The following SYNE1 variants were observed in gnomAD, a reference collection of about 807,000 sequenced individuals.
The protein encoded by SYNE1 is spectrin repeat containing nuclear envelope protein 1, also known as nesprin-1.
SYNE1 carries 616 observed loss-of-function variants against 1,111.0 expected under a neutral mutation model. The ratio of observed to expected loss-of-function variants is 0.55; its 90% confidence interval spans 0.52 to 0.59. SYNE1 has a LOEUF of 0.59. Among genes scored for constraint, SYNE1 ranks in the 20% least tolerant of loss-of-function variants. The pLI, the probability that SYNE1 is intolerant of heterozygous loss-of-function variation, is 0.00. For missense variants in SYNE1, 10,006 were observed against 10,417.0 expected, an observed-to-expected ratio of 0.96 and a Z score of 1.72; for synonymous variants, 3,855 against 3,825.8, an observed-to-expected ratio of 1.01 and a Z score of -0.28.
chr6:152,603,990 A>T (rs1454783197), intron 3 of SYNE1, among the ~76,000 whole-genome samples: 1 of 146,760 alleles, frequency 6.8e-6, no homozygotes, highest in Non-Finnish European at 1.5e-5. Context: ...ATCTGTATCT[A>T]TATCTGTATA....
chr6:152,299,213 A>G (rs2095044878), intron 93 of SYNE1, among the ~76,000 whole-genome samples: 1 of 152,228 alleles, frequency 6.6e-6, no homozygotes, highest in Non-Finnish European at 1.5e-5. Flanking sequence ...TTTATTATTC[A>G]GTTTGAAAAA....
rs771175393 is a variant in SYNE1, at chr6:152,330,595, A to G, written c.14090T>C (p.Met4697Thr). Reference protein sequence around the residue: ...LSELEAQFLRMSKVPTDLAVE... With the variant: ...LSELEAQFLRTSKVPTDLAVE... ...GGCCAGGTCGGTGGGAACTTTGCTC[A>G]TCCTCAAGAATTGGGCTTCAAGTTC... The change falls in exon 78 of 146, where the codon ATG becomes ACG. Residue 4697 changes from methionine (M) to threonine (T), a missense_variant. Around this residue, in one of 7 missense-constraint regions of SYNE1, gnomAD observed 4,955 missense variants for 5,017.2 expected, o/e 0.99. Coordinates refer to ENST00000367255, the MANE Select transcript of SYNE1 (RefSeq NM_182961.4). 1.9e-6 allele frequency: 3 copies of G among 1,613,662 alleles called. No individual in the cohort carries two copies. The highest frequency in any genetic ancestry group is 2.5e-6 in the Non-Finnish European group (3 of 1,180,014).
Position 152,133,628 on chromosome 6 carries a change from G to A in SYNE1, c.25789-140C>T, listed in dbSNP as rs182518980. The A allele has an allele frequency of 3.1e-5, 26 of 835,102 alleles. No individual in the cohort carries two copies. In the African/African-American group the frequency reaches 3.4e-4, roughly 11 times the overall value. The allele number at this position is 835,102 out of a possible 1,614,324, so 51.7% of individuals were successfully genotyped here. A position where few individuals can be genotyped will look rare whatever the true frequency, so the allele number is the denominator to read the frequency against. ...ACGTGGAGCTCACACACTAAAGGAT[G>A]CAGCAGCTCACGGCCTGAGTTCTAA... is the stretch of plus-strand genomic sequence containing the variant. On this transcript the variant is annotated intron_variant, in intron 142 of 145. Coordinates refer to ENST00000367255, the MANE Select transcript of SYNE1 (RefSeq NM_182961.4).
At chr6:152,184,631 T>TAG (rs1554508083) in intron 128 of SYNE1, among the ~76,000 whole-genome samples, 175 of 143,026 alleles carry the variant, frequency 1.2e-3, no homozygotes, top group Middle Eastern at 3.7e-3. Flanking sequence ...TATACACATA[T>TAG]ATAGATAGAT....
intron 93 of SYNE1, among the ~76,000 whole-genome samples, chr6:152,299,202 A>T (rs1407709125): frequency 6.6e-6 from 1 of 152,204 alleles, no homozygotes; most frequent in Non-Finnish European, 1.5e-5. Context: ...TCAAATAAGT[A>T]TTTATTATTC....
intron 91 of SYNE1, among the ~76,000 whole-genome samples, chr6:152,304,201 A>G (rs1394224959): frequency 1.3e-5 from 2 of 152,230 alleles, no homozygotes; most frequent in Non-Finnish European, 2.9e-5. Flanking sequence ...TACTCAATAA[A>G]TGACATTTAC....
At chr6:152,451,663 G>A (rs1189760283) in intron 25 of SYNE1, among the ~76,000 whole-genome samples, 1 of 151,570 alleles carries the variant, frequency 6.6e-6, no homozygotes, top group East Asian at 1.9e-4. Flanking sequence ...TGTACATTTA[G>A]TTGAGACAGG....
intron 14 of SYNE1, among the ~76,000 whole-genome samples, chr6:152,481,932 A>C (rs1273755616): frequency 3.3e-5 from 5 of 151,958 alleles, no homozygotes; most frequent in African/African-American, 9.7e-5. Context: ...GCATCTGAGA[A>C]GCCAAATGAC....
In SYNE1 at chr6:152,404,114, T is replaced by TACACAC. The variant is rs201892710; in HGVS notation, c.6825+98_6825+99insGTGTGT. The TACACAC allele has an allele frequency of 5.6e-6, 4 of 716,952 alleles. No individual in the cohort carries two copies. The African/African-American group carries it at 7.3e-5, about 13-fold the overall frequency. The allele number at this position is 716,952 out of a possible 1,614,324, so 44.4% of individuals were successfully genotyped here. On this transcript the variant is annotated intron_variant, in intron 46 of 145. Coordinates refer to ENST00000367255, the MANE Select transcript of SYNE1 (RefSeq NM_182961.4). ...GATATAGATATATGAGATATATATA[T>TACACAC]ATACACACACACACACACACACAGA...
intron 91 of SYNE1, among the ~76,000 whole-genome samples, chr6:152,304,891 A>C (rs1050391744): frequency 6.6e-6 from 1 of 152,228 alleles, no homozygotes; most frequent in Non-Finnish European, 1.5e-5. Context: ...TAATTAGCCC[A>C]TGTGACTCCA....
In SYNE1 at chr6:152,242,223, T is replaced by C; in HGVS notation, c.19893+17A>G. On this transcript the variant is annotated intron_variant, in intron 107 of 145. Transcript: ENST00000367255. The stretch of plus-strand genomic sequence containing the variant: ...TCCAATTACATTTTCTCTCTATCAC[T>C]CTTTTTTGTTATGTACCTTATGTTT... 6.2e-7 allele frequency: 1 copy of C among 1,606,830 alleles called. No homozygotes were observed. The highest frequency in any genetic ancestry group is 8.5e-7 in the Non-Finnish European group (1 of 1,173,462).
intron 39 of SYNE1, 124 bp from the exon 40 acceptor site, chr6:152,419,846 C>T: frequency 1.1e-6 from 1 of 943,094 alleles, no homozygotes; most frequent in Non-Finnish European, 1.6e-6. Context: ...ACACTCTATA[C>T]CTCTTGATAT....
chr6:152,183,525 C>G (rs778894592), intron 128 of SYNE1, among the ~76,000 whole-genome samples: 7 of 151,942 alleles, frequency 4.6e-5, no homozygotes, highest in Non-Finnish European at 7.4e-5. Flanking sequence ...CGCTTGAGCC[C>G]GGGAGGCGGA....
At chr6:152,287,521 T>G (rs1169437730) in intron 95 of SYNE1, among the ~76,000 whole-genome samples, 3 of 152,186 alleles carry the variant, frequency 2.0e-5, no homozygotes, top group African/African-American at 2.4e-5. Context: ...ATATATATTT[T>G]CCCACACATT....
intron 70 of SYNE1, among the ~76,000 whole-genome samples, chr6:152,351,041 T>C (rs931764225): frequency 6.6e-6 from 1 of 152,248 alleles, no homozygotes. Context: ...AAATATAGTT[T>C]ATATTTCTGG....
chr6:152,417,474 G>A (rs2098177975), intron 40 of SYNE1, among the ~76,000 whole-genome samples: 1 of 151,442 alleles, frequency 6.6e-6, no homozygotes, highest in African/African-American at 2.4e-5. Context: ...CTCCAGCCTG[G>A]GAAACAGTGT....
intron 98 of SYNE1, among the ~76,000 whole-genome samples, chr6:152,277,264 CTTTTTTTTTT>C (rs747947368): frequency 3.7e-5 from 3 of 82,122 alleles, no homozygotes; most frequent in East Asian, 3.6e-4. Flanking sequence ...TTTTCTTTTT[CTTTTTTTTTT>C]TTTTTTTTTT....
intron 108 of SYNE1, among the ~76,000 whole-genome samples, chr6:152,237,431 T>C (rs1468342739): frequency 6.7e-6 from 1 of 149,830 alleles, no homozygotes; most frequent in East Asian, 2.0e-4. Context: ...TGCTTCATCC[T>C]CCCAAGTAGC....
intron 8 of SYNE1, among the ~76,000 whole-genome samples, chr6:152,508,261 C>T (rs556584467): frequency 4.7e-4 from 72 of 152,298 alleles, no homozygotes; most frequent in African/African-American, 1.7e-3. Context: ...CCCCAAACCT[C>T]TACAATTTAT....
Sources: gnomAD v4.1 joint callset for allele counts (sites outside exome capture counted in the v4.1 genomes callset) on GRCh38, gnomAD v4.1.1 for gene constraint, gnomAD v4.1.1 regional missense constraint, MANE v1.5 for transcripts, NCBI Gene and HGNC (gene_info 2026-07-23, HGNC 2026-07-21) for gene names.